Variants in LNPEP observed in about 807,000 individuals in gnomAD.
LNPEP encodes the protein leucyl and cystinyl aminopeptidase.
A neutral mutation model predicts 120.6 loss-of-function variants in LNPEP; 64 were observed. The ratio of observed to expected loss-of-function variants is 0.53; its 90% CI spans 0.43 to 0.65. LNPEP has a LOEUF of 0.65. Ranked by LOEUF, LNPEP falls within the 30% of genes least tolerant of loss-of-function variation. LNPEP has a pLI of 0.00. For missense variants in LNPEP, 1,057 were observed against 1,200.0 expected (o/e 0.88, Z 1.76); for synonymous variants, 435 against 425.4 (o/e 1.02, Z -0.28).
intron 11 of LNPEP, among the ~76,000 whole-genome samples, chr5:97,007,579 G>C (rs566210035): frequency 6.6e-6 from 1 of 152,042 alleles, no homozygotes; most frequent in Non-Finnish European, 1.5e-5. Flanking sequence ...TGAAAATGGA[G>C]AGCAAATCTT....
chr5:96,951,384 A>C (rs1039722260), intron 1 of LNPEP, among the ~76,000 whole-genome samples: 1 of 151,974 alleles, frequency 6.6e-6, no homozygotes, highest in African/African-American at 2.4e-5. Context: ...TCAGCCTCCC[A>C]AGTAGCTGGG....
intron 1 of LNPEP, among the ~76,000 whole-genome samples, chr5:96,963,619 A>G (rs749552739): frequency 5.3e-5 from 8 of 152,314 alleles, no homozygotes; most frequent in Middle Eastern, 3.4e-3. Context: ...CTAGGATTGG[A>G]CATTCCACAG....
intron 11 of LNPEP, among the ~76,000 whole-genome samples, chr5:97,008,234 T>C (rs1185088610): frequency 6.6e-6 from 1 of 152,054 alleles, no homozygotes; most frequent in Non-Finnish European, 1.5e-5. Flanking sequence ...TTTCTGATAG[T>C]ATATTAATTT....
intron 16 of LNPEP, among the ~76,000 whole-genome samples, chr5:97,027,505 T>G (rs1330594149): frequency 1.3e-5 from 2 of 152,220 alleles, no homozygotes; most frequent in Non-Finnish European, 2.9e-5. Context: ...TCTTCGACAA[T>G]GTTAAGCGGA....
In LNPEP at chr5:96,979,924, G is replaced by T. The variant is rs1381475686; in HGVS notation, c.806G>T (p.Ser269Ile). The T allele has an allele frequency of 6.2e-7, 1 of 1,612,536 alleles. No homozygotes were observed. The highest frequency in any genetic ancestry group is 8.5e-7 in the Non-Finnish European group (1 of 1,178,962). Residue 269 changes from serine (S) to isoleucine (I), a missense_variant, in exon 2 of 18, where the codon AGT becomes ATT. Ser to Ile is a moderately radical substitution (Grantham distance 142). Coordinates refer to ENST00000231368, the MANE Select transcript of LNPEP (RefSeq NM_005575.3). The part of the protein sequence containing the change: ...LKIEYSANIS[S>I]SYYGFYGFSY... The stretch of plus-strand genomic sequence containing the variant: ...ATAGAGTACTCGGCAAATATATCTA[G>T]TTCTTATTATGGGTTTTATGGCTTC...
chr5:97,015,130 A>G (rs1582029482), intron 13 of LNPEP, 35 bp downstream of exon 13: 2 of 1,454,528 alleles, frequency 1.4e-6, no homozygotes, highest in South Asian at 3.0e-5. Context: ...CTTGCTGTTT[A>G]TCTTTAATAT....
At chr5:97,028,350 G>T in intron 17 of LNPEP, 52 bp from the exon 18 acceptor site, 1 of 1,568,810 alleles carries the variant, frequency 6.4e-7, no homozygotes, top group Non-Finnish European at 8.8e-7. Context: ...GGGGTTACCT[G>T]AGGTTTATCG....
chr5:97,015,228 T>C, intron 13 of LNPEP, 133 bp downstream of exon 13: 1 of 547,822 alleles, frequency 1.8e-6, no homozygotes, highest in East Asian at 3.3e-5. Flanking sequence ...GCTTGTGAAA[T>C]CTTTACTTAA....
intron 1 of LNPEP, among the ~76,000 whole-genome samples, chr5:96,955,080 C>A (rs992688132): frequency 6.6e-6 from 1 of 151,378 alleles, no homozygotes; most frequent in Admixed American, 6.6e-5. Context: ...CCGCGCCCGG[C>A]CTGCAATTAT....
rs192137943 is a variant in LNPEP at position 96,997,146 on chromosome 5, A to G, written c.1521+643A>G. Among the ~76,000 whole-genome samples the G allele has an allele frequency of 5.3e-5, 8 of 152,206 alleles. No homozygotes were observed. The East Asian group carries it at 1.4e-3, about 26-fold the overall frequency. Reference sequence around the variant, plus strand: ...ATATTCAAACACACTAGGCCATGATATGACAGATATTGTCAAGATAATTCA... The same window carrying G: ...ATATTCAAACACACTAGGCCATGATGTGACAGATATTGTCAAGATAATTCA... On this transcript the variant is annotated intron_variant, in intron 7 of 17. Coordinates refer to ENST00000231368, the MANE Select transcript of LNPEP (RefSeq NM_005575.3).
chr5:96,995,475 A>G (rs540861731), intron 6 of LNPEP, among the ~76,000 whole-genome samples: 2 of 151,512 alleles, frequency 1.3e-5, no homozygotes, highest in Non-Finnish European at 2.9e-5. Flanking sequence ...ACTACCTCAT[A>G]GAAGAAAATA....
In LNPEP at chr5:97,025,036, A is replaced by G. The variant is rs189610508; in HGVS notation, c.2723+354A>G. Among the ~76,000 whole-genome samples, 49 of 152,252 alleles carry G rather than the reference A, an allele frequency of 3.2e-4. No individual in the cohort carries two copies. In the East Asian group the frequency reaches 5.2e-3, roughly 16 times the overall value. ...AAGCTGTCATTTTAAAAATGTAGGC[A>G]TTTCAGAAAAAAAAAATCACATATT... On this transcript the variant is annotated intron_variant, in intron 15 of 17. Transcript: ENST00000231368.
At chr5:96,963,407 T>C (rs1218879263) in intron 1 of LNPEP, among the ~76,000 whole-genome samples, 3 of 152,178 alleles carry the variant, frequency 2.0e-5, no homozygotes, top group South Asian at 4.1e-4. Context: ...GTCACTCTTG[T>C]AGCAGTCATC....
intron 2 of LNPEP, among the ~76,000 whole-genome samples, chr5:96,983,306 A>G (rs1790168925): frequency 8.0e-6 from 1 of 125,430 alleles, no homozygotes. Context: ...TATGCACACC[A>G]GGGCCATATA....
chr5:97,019,964 G>T (rs17531213), intron 13 of LNPEP, among the ~76,000 whole-genome samples: 7 of 152,148 alleles, frequency 4.6e-5, no homozygotes, highest in African/African-American at 1.7e-4. Context: ...CATCGTCAGC[G>T]TAGCAAGTAT....
chr5:96,992,625 C>G (rs1345880488), intron 4 of LNPEP, among the ~76,000 whole-genome samples: 1 of 152,094 alleles, frequency 6.6e-6, no homozygotes, highest in Non-Finnish European at 1.5e-5. Context: ...TTTCAAATAA[C>G]TCTCAATCTT....
chr5:96,999,378 A>G (rs1399668143), intron 8 of LNPEP, among the ~76,000 whole-genome samples: 1 of 152,178 alleles, frequency 6.6e-6, no homozygotes, highest in East Asian at 1.9e-4. Context: ...GTGACAGGGT[A>G]AGGCCAGTAA....
At chr5:96,992,877 T>G in intron 4 of LNPEP, 138 bp from the exon 5 acceptor site, 1 of 581,904 alleles carries the variant, frequency 1.7e-6, no homozygotes, top group South Asian at 3.3e-5. Context: ...AAAGTAACCA[T>G]AAGCAAGTGT....
chr5:96,980,184 G>T (rs1790092542), intron 2 of LNPEP, among the ~76,000 whole-genome samples: 1 of 152,098 alleles, frequency 6.6e-6, no homozygotes, highest in Admixed American at 6.6e-5. Flanking sequence ...GTGGAGATAG[G>T]GGTGTGCTGG....
Sources: allele counts gnomAD v4.1 joint callset (sites outside exome capture counted in the v4.1 genomes callset), GRCh38; gene constraint gnomAD v4.1.1; transcripts MANE v1.5; gene names NCBI Gene and HGNC (gene_info 2026-07-23, HGNC 2026-07-21).